Variants in TUSC3 observed in about 807,000 individuals in gnomAD.
The protein encoded by TUSC3 is dolichyl-diphosphooligosaccharide--protein glycosyltransferase subunit TUSC3.
TUSC3 carries 45 observed loss-of-function variants against 44.8 expected under a neutral mutation model. That is an observed-to-expected ratio of 1.00 (90% CI 0.79 to 1.29). The LOEUF (loss-of-function observed/expected upper bound fraction) is 1.29, where lower values mean the gene tolerates loss of function less well. Ranked by LOEUF, TUSC3 falls within the 50% of genes most tolerant of loss-of-function variation. The pLI, the probability that TUSC3 is intolerant of heterozygous loss-of-function variation, is 0.00. For missense variants in TUSC3, 519 were observed against 437.9 expected (o/e 1.19, Z -1.65); for synonymous variants, 212 against 152.9 (o/e 1.39, Z -2.85).
At chr8:15,670,177 T>C (rs991304492) in intron 5 of TUSC3, among the ~76,000 whole-genome samples, 4 of 151,992 alleles carry the variant, frequency 2.6e-5, no homozygotes, top group Admixed American at 2.6e-4. Context: ...ATACTCGTCT[T>C]GATCTTGAGT....
rs189881845 is a variant in TUSC3 at position 15,446,532 on chromosome 8, C to A, written n.91+29227C>A. ...CTCATGGTCAGGAGCTGGAGACCAG[C>A]CCGGCCAACACGGCGAAACCCCGTC... On this transcript the variant is annotated intron_variant and non_coding_transcript_variant, in intron 1 of 5. Transcript: ENST00000503191. Among the ~76,000 whole-genome samples the A allele has an allele frequency of 2.3e-3, 343 of 152,154 alleles. 1 individual carries two copies. The East Asian group carries it at 0.033, about 15-fold the overall frequency.
At chr8:15,806,626 A>G in the TUSC3 span, 1 of 1,397,166 alleles carries the variant, frequency 7.2e-7, no homozygotes, top group Admixed American at 1.7e-5. Flanking sequence ...CAGATCTTTC[A>G]GTGTCATGGA....
At chr8:15,501,947 A>G (rs1422539795) in intron 2 of TUSC3, among the ~76,000 whole-genome samples, 1 of 152,218 alleles carries the variant, frequency 6.6e-6, no homozygotes, top group East Asian at 1.9e-4. Flanking sequence ...ACGACTGATA[A>G]CTTTTAATCT....
chr8:15,738,441 C>T (rs1176070934), intron 7 of TUSC3, among the ~76,000 whole-genome samples: 5 of 152,184 alleles, frequency 3.3e-5, no homozygotes, highest in African/African-American at 9.7e-5. Flanking sequence ...ATCCAACCTG[C>T]CTGCTATTTT....
intron 1 of TUSC3, among the ~76,000 whole-genome samples, chr8:15,453,892 C>G (rs1800223678): frequency 6.6e-6 from 1 of 152,146 alleles, no homozygotes; most frequent in Admixed American, 6.5e-5. Flanking sequence ...ATAGAAACAC[C>G]TGAAACTGGT....
At position 15,764,108 on chromosome 8, in the gene TUSC3, A is replaced by G. The variant is rs570814867; in HGVS notation, c.*47-95A>G. 9.8e-6 allele frequency: 12 copies of G among 1,224,398 alleles called. No homozygotes were observed. In the South Asian group the frequency reaches 1.2e-4, roughly 12 times the overall value. The allele number at this position is 1,224,398 out of a possible 1,614,324, so 75.8% of individuals were successfully genotyped here. ...AATACAATTATGACATTTTAATGTT[A>G]TATTTACATGTGCTAATTTAGAATG... On this transcript the variant is annotated intron_variant, in intron 10 of 10. Transcript: ENST00000503731.
intron 1 of TUSC3, among the ~76,000 whole-genome samples, chr8:15,482,382 C>T (rs142104645): frequency 6.6e-6 from 1 of 152,124 alleles, no homozygotes; most frequent in Non-Finnish European, 1.5e-5. Flanking sequence ...TGAGTCTCTC[C>T]TAGAAGGTTT....
At chr8:15,543,669 A>G (rs17657727) in intron 1 of TUSC3, among the ~76,000 whole-genome samples, 29,812 of 151,708 alleles carry the variant, frequency 0.2, 2,984 homozygotes, top group East Asian at 0.32. Context: ...AGCTGTTACT[A>G]TGTATTCCTC....
intron 1 of TUSC3, among the ~76,000 whole-genome samples, chr8:15,564,297 A>G (rs1335147138): frequency 1.3e-5 from 2 of 152,140 alleles, no homozygotes; most frequent in Non-Finnish European, 2.9e-5. Flanking sequence ...CATTTCTCTA[A>G]CAGCTAAAAT....
At chr8:15,719,388 TC>T (rs1463220755) in intron 6 of TUSC3, among the ~76,000 whole-genome samples, 1 of 151,834 alleles carries the variant, frequency 6.6e-6, no homozygotes, top group Non-Finnish European at 1.5e-5. Flanking sequence ...CTGACCTTCT[TC>T]CTATTTAAAT....
chr8:15,840,658 A>T, the TUSC3 span, among the ~76,000 whole-genome samples: 1 of 152,178 alleles, frequency 6.6e-6, no homozygotes, highest in African/African-American at 2.4e-5. Flanking sequence ...GTATGAAAAA[A>T]ATAGGTCCTG....
the TUSC3 span, among the ~76,000 whole-genome samples, chr8:15,796,918 A>T: frequency 6.6e-6 from 1 of 152,176 alleles, no homozygotes; most frequent in Non-Finnish European, 1.5e-5. Flanking sequence ...TCAGTAGGTC[A>T]TGTTTTTTAT....
At chr8:15,535,982 A>C (rs145455706), upstream of TUSC3, among the ~76,000 whole-genome samples, 1 of 152,204 alleles carries the variant, frequency 6.6e-6, no homozygotes, top group African/African-American at 2.4e-5. Flanking sequence ...TTTTGAAAAC[A>C]TGAGTTTTTT....
intron 7 of TUSC3, chr8:15,743,313 G>A: frequency 1.9e-6 from 1 of 540,174 alleles, no homozygotes; most frequent in Non-Finnish European, 3.3e-6. Flanking sequence ...TTTGGAATTA[G>A]CCTCTCAATA....
At chr8:15,730,633 C>G (rs938012139) in intron 6 of TUSC3, 33 bp from the exon 7 acceptor site, 1 of 1,605,552 alleles carries the variant, frequency 6.2e-7, no homozygotes, top group African/African-American at 1.3e-5. Context: ...GAGGCTTTCT[C>G]AGACTGTAAT....
chr8:15,720,741 T>G (rs1810271555), intron 6 of TUSC3, among the ~76,000 whole-genome samples: 1 of 152,078 alleles, frequency 6.6e-6, no homozygotes, highest in Non-Finnish European at 1.5e-5. Context: ...GAATGTAAAT[T>G]AAAGCTATCT....
chr8:15,637,423 G>A (rs945606272), intron 2 of TUSC3, among the ~76,000 whole-genome samples: 6 of 151,908 alleles, frequency 3.9e-5, no homozygotes, highest in Admixed American at 2.0e-4. Flanking sequence ...GTGATATATC[G>A]TCTTTTGTTT....
intron 1 of TUSC3, among the ~76,000 whole-genome samples, chr8:15,561,043 G>T (rs1239083845): frequency 1.5e-5 from 2 of 133,298 alleles, no homozygotes; most frequent in Non-Finnish European, 3.2e-5. Context: ...TCCGTTGTTG[G>T]TGAGGAACTG....
chr8:15,513,656 G>C (rs554089565), intron 2 of TUSC3, among the ~76,000 whole-genome samples: 3 of 152,234 alleles, frequency 2.0e-5, no homozygotes, highest in African/African-American at 4.8e-5. Context: ...ACTCATCTTA[G>C]ATAAATGAGT....
Sources: gnomAD v4.1 joint callset for allele counts (sites outside exome capture counted in the v4.1 genomes callset) on GRCh38, gnomAD v4.1.1 for gene constraint, MANE v1.5 for transcripts, NCBI Gene and HGNC (gene_info 2026-07-23, HGNC 2026-07-21) for gene names.